Variants in ARID1B observed in about 807,000 individuals in gnomAD.
ARID1B encodes the protein AT-rich interactive domain-containing protein 1B.
In ARID1B, 30 loss-of-function variants were observed where a neutral mutation model predicts 212.3. The observed-to-expected ratio is 0.14, with a 90% CI of 0.11 to 0.19. The LOEUF (loss-of-function observed/expected upper bound fraction) is 0.19, where lower values mean the gene tolerates loss of function less well. ARID1B is among the 10% of genes least tolerant of loss of function. The pLI, the probability that ARID1B is intolerant of heterozygous loss-of-function variation, is 1.00. For synonymous variants in ARID1B, 1,402 were observed against 1,301.7 expected (o/e 1.08, Z -1.66); for missense variants, 2,891 against 3,204.0 (o/e 0.90, Z 2.36).
chr6:157,043,986 C>A (rs1038211001), intron 4 of ARID1B, among the ~76,000 whole-genome samples: 2 of 152,128 alleles, frequency 1.3e-5, no homozygotes, highest in Non-Finnish European at 2.9e-5. Flanking sequence ...TTGTCAAGTA[C>A]CAGGGATGCA....
At chr6:157,114,523 CAAAAAAAAAA>C (rs111845551) in intron 6 of ARID1B, among the ~76,000 whole-genome samples, 1,677 of 50,452 alleles carry the variant, frequency 0.033, 49 homozygotes, top group African/African-American at 0.1. Flanking sequence ...CACTCCGTCT[CAAAAAAAAAA>C]AAAAAAAAAA....
At chr6:157,167,277 A>G (rs1342513077) in intron 9 of ARID1B, 92 bp downstream of exon 9, 1 of 1,457,438 alleles carries the variant, frequency 6.9e-7, no homozygotes, top group East Asian at 2.4e-5. Flanking sequence ...CGGCCCGAGA[A>G]GGTGGATCAG....
intron 1 of ARID1B, among the ~76,000 whole-genome samples, chr6:156,816,658 G>A (rs535343187): frequency 1.3e-5 from 2 of 152,296 alleles, no homozygotes; most frequent in African/African-American, 2.4e-5. Context: ...TGCGTCTTCC[G>A]TTTACAGGGC....
intron 1 of ARID1B, among the ~76,000 whole-genome samples, chr6:156,799,623 T>G (rs1780639464): frequency 6.6e-6 from 1 of 152,280 alleles, no homozygotes. Context: ...ATTACAGATG[T>G]GCACCACCAT....
At chr6:156,798,658 A>G (rs1181563846) in intron 1 of ARID1B, among the ~76,000 whole-genome samples, 1 of 152,216 alleles carries the variant, frequency 6.6e-6, no homozygotes, top group Non-Finnish European at 1.5e-5. Flanking sequence ...TATATTTTGG[A>G]TGCCTTTGAT....
At chr6:157,189,879 G>T in intron 14 of ARID1B, 99 bp downstream of exon 14, 1 of 1,583,780 alleles carries the variant, frequency 6.3e-7, no homozygotes, top group Middle Eastern at 1.7e-4. Flanking sequence ...GTATTCCCTA[G>T]AGAGTTTTTA....
intron 9 of ARID1B, 69 bp from the exon 10 acceptor site, chr6:157,173,939 G>A: frequency 7.4e-7 from 1 of 1,354,506 alleles, no homozygotes; most frequent in Non-Finnish European, 1.0e-6. Flanking sequence ...TCTGTAACTT[G>A]TGTTGGCAGG....
intron 4 of ARID1B, among the ~76,000 whole-genome samples, chr6:157,051,103 G>T (rs1782574233): frequency 6.6e-6 from 1 of 152,186 alleles, no homozygotes; most frequent in African/African-American, 2.4e-5. Context: ...TGATTATTCT[G>T]CTGCACTGTA....
At chr6:156,982,612 T>C (rs1007388943) in intron 4 of ARID1B, among the ~76,000 whole-genome samples, 23 of 152,130 alleles carry the variant, frequency 1.5e-4, no homozygotes, top group African/African-American at 5.6e-4. Context: ...CACTGATTTT[T>C]CTTTTCTGTT....
chr6:156,778,207 A>T lies in ARID1B; in HGVS notation c.527A>T (p.His176Leu), dbSNP rs587779741. 6.5e-7 allele frequency: 1 copy of T among 1,537,476 alleles called. No homozygotes were observed. Among genetic ancestry groups the T allele is most frequent in the East Asian group, 2.5e-5 (1 of 40,714 alleles). The change falls in exon 1 of 20, where the codon CAC (histidine) becomes CTC (leucine). Residue 176 changes from histidine (H) to leucine (L), a missense_variant. By Grantham distance (99) the His-to-Leu change is moderately conservative (BLOSUM62 -3). This residue lies in a region of ARID1B where 1,643 missense variants were observed against 1,544.0 expected (regional missense o/e 1.06). Transcript: ENST00000636930. ...QHHHHHHAHH[H>L]HHHAHHLHHH... ...CACCACCACCACCATGCCCACCACC[A>T]CCACCACCATGCCCACCACCTCCAC...
chr6:157,141,342 T>G (rs935193328), intron 7 of ARID1B: 7 of 152,292 alleles, frequency 4.6e-5, no homozygotes, highest in African/African-American at 1.7e-4. Context: ...TAGGTCTTTC[T>G]CCTTCTTTTA....
At chr6:156,908,562 G>C (rs543426471) in intron 3 of ARID1B, among the ~76,000 whole-genome samples, 2 of 151,710 alleles carry the variant, frequency 1.3e-5, no homozygotes, top group Non-Finnish European at 2.9e-5. Flanking sequence ...TTATTTTGCT[G>C]TTCTTCCCCC....
At chr6:156,794,639 C>T (rs1042968230) in intron 1 of ARID1B, among the ~76,000 whole-genome samples, 4 of 135,330 alleles carry the variant, frequency 3.0e-5, no homozygotes, top group African/African-American at 1.1e-4. Flanking sequence ...TGCAGTGGTG[C>T]GATCTTGGTT....
At chr6:156,790,754 A>G (rs1409398106) in intron 1 of ARID1B, among the ~76,000 whole-genome samples, 1 of 152,184 alleles carries the variant, frequency 6.6e-6, no homozygotes, top group African/African-American at 2.4e-5. Flanking sequence ...AGGCAGAGAC[A>G]TGCCCTCTGC....
At chr6:157,151,971 T>C (rs1790231288) in intron 8 of ARID1B, 3 of 152,242 alleles carry the variant, frequency 2.0e-5, no homozygotes, top group South Asian at 2.1e-4. Flanking sequence ...CCAACAAATA[T>C]AGAATCCTGT....
chr6:156,786,274 G>A (rs1779622551), intron 1 of ARID1B, among the ~76,000 whole-genome samples: 1 of 152,010 alleles, frequency 6.6e-6, no homozygotes, highest in African/African-American at 2.4e-5. Flanking sequence ...AGTCTAGGTG[G>A]TGCCATGTCC....
intron 4 of ARID1B, among the ~76,000 whole-genome samples, chr6:156,999,352 A>G (rs1400376195): frequency 6.6e-6 from 1 of 152,214 alleles, no homozygotes; most frequent in Non-Finnish European, 1.5e-5. Flanking sequence ...TGTGAATTAT[A>G]ATTTCCTCAT....
At chr6:156,904,467 G>A (rs1244773151) in intron 3 of ARID1B, among the ~76,000 whole-genome samples, 2 of 152,224 alleles carry the variant, frequency 1.3e-5, no homozygotes, top group Non-Finnish European at 2.9e-5. Context: ...TGTGTCATAA[G>A]TGGGCAGTAA....
intron 1 of ARID1B, among the ~76,000 whole-genome samples, chr6:156,787,264 G>A (rs1021519871): frequency 2.0e-5 from 3 of 152,110 alleles, no homozygotes; most frequent in Non-Finnish European, 4.4e-5. Flanking sequence ...TGGATTGCTG[G>A]GGTATTTTTG....
Sources: allele counts gnomAD v4.1 joint callset (sites outside exome capture counted in the v4.1 genomes callset), GRCh38; gene constraint gnomAD v4.1.1; regional missense constraint gnomAD v4.1.1; transcripts MANE v1.5; gene names NCBI Gene and HGNC (gene_info 2026-07-23, HGNC 2026-07-21).